GALNT13: variants seen among roughly 807,000 people sequenced by gnomAD.
GALNT13 encodes the protein UDP-GalNAc:polypeptide N-acetylgalactosaminyltransferase 13.
GALNT13 carries 28 observed loss-of-function variants against 64.2 expected under a neutral mutation model. The ratio of observed to expected loss-of-function variants is 0.44; its 90% CI spans 0.32 to 0.60. The LOEUF (loss-of-function observed/expected upper bound fraction) is 0.60. Among genes scored for constraint, GALNT13 ranks in the 20% least tolerant of loss-of-function variants. The probability of loss-of-function intolerance (pLI) is 0.05; values close to 1 mark genes in which losing one functional copy is unlikely to be tolerated. For synonymous variants in GALNT13, 214 were observed against 224.6 expected, an observed-to-expected ratio of 0.95 and a Z score of 0.42; for missense variants, 577 against 669.8, an observed-to-expected ratio of 0.86 and a Z score of 1.53.
At chr2:154,280,085 C>T (rs1011441903) in intron 8 of GALNT13, among the ~76,000 whole-genome samples, 1 of 152,120 alleles carries the variant, frequency 6.6e-6, no homozygotes, top group African/African-American at 2.4e-5. Flanking sequence ...AGGTTCTTGA[C>T]TAGAAACAAA....
the GALNT13 span, among the ~76,000 whole-genome samples, chr2:153,244,032 C>T: frequency 1.4e-5 from 2 of 143,220 alleles, no homozygotes; most frequent in African/African-American, 6.0e-5. Context: ...TTTGGTTTTC[C>T]CTCTTGAAAA....
chr2:154,282,296 CATA>C (rs1181024889), intron 8 of GALNT13, among the ~76,000 whole-genome samples: 6 of 152,142 alleles, frequency 3.9e-5, no homozygotes, highest in African/African-American at 1.4e-4. Context: ...TTTATTGCCT[CATA>C]ATAAGTTTTA....
At chr2:154,098,941 G>A (rs1376983362) in intron 3 of GALNT13, among the ~76,000 whole-genome samples, 2 of 151,944 alleles carry the variant, frequency 1.3e-5, no homozygotes, top group East Asian at 3.9e-4. Flanking sequence ...ATACACAGTA[G>A]TGGAGTTGCT....
intron 4 of GALNT13, among the ~76,000 whole-genome samples, chr2:154,217,562 G>A (rs1344344545): frequency 6.6e-6 from 1 of 152,072 alleles, no homozygotes; most frequent in Non-Finnish European, 1.5e-5. Flanking sequence ...TTAGCCTCAT[G>A]AGTTTTATAG....
At position 153,944,486 on chromosome 2, in the gene GALNT13, T is replaced by C. The variant is rs1401518; in HGVS notation, c.-12T>C. On this transcript the variant is annotated 5_prime_UTR_variant, in exon 3 of 13. Transcript: ENST00000392825. ...CTTCAATCTGTGTGTTAACTAGAAATCAAGGAAAGACATGAGGAGATTTGT... is the reference window on the plus strand; with the variant it reads ...CTTCAATCTGTGTGTTAACTAGAAACCAAGGAAAGACATGAGGAGATTTGT... The C allele has an allele frequency of 0.12, 188,661 of 1,609,304 alleles. 26,875 individuals carry two copies. Among genetic ancestry groups the C allele is most frequent in the East Asian group, 0.78 (34,844 of 44,734 alleles).
At chr2:153,281,926 C>A in the GALNT13 span, among the ~76,000 whole-genome samples, 173 of 149,714 alleles carry the variant, frequency 1.2e-3, no homozygotes, top group African/African-American at 4.1e-3. Context: ...ATCTGGATAT[C>A]TTATATTTGG....
At position 154,453,877 on chromosome 2, in the gene GALNT13, C is replaced by T. The variant is rs887455652; in HGVS notation, c.*3326C>T. 1 of 152,000 alleles carries T rather than the reference C, an allele frequency of 6.6e-6. No homozygotes were observed. The highest frequency in any genetic ancestry group is 2.4e-5 in the African/African-American group (1 of 41,400). 9.4% of individuals were successfully genotyped at this position (152,000 alleles called of 1,614,324 possible). ...TTGTCTTCAAATTTTAATTTTCTTCCTAATATTCTTCACATTAAACTATGG... is the reference window on the plus strand; with the variant it reads ...TTGTCTTCAAATTTTAATTTTCTTCTTAATATTCTTCACATTAAACTATGG... On this transcript the variant is annotated 3_prime_UTR_variant, in exon 13 of 13. Coordinates refer to ENST00000392825, the MANE Select transcript of GALNT13 (RefSeq NM_052917.4).
At chr2:153,803,924 C>T in the GALNT13 span, among the ~76,000 whole-genome samples, 1 of 152,004 alleles carries the variant, frequency 6.6e-6, no homozygotes, top group Non-Finnish European at 1.5e-5. Context: ...ATCCAGTCTG[C>T]GGTATTCATT....
intron 3 of GALNT13, among the ~76,000 whole-genome samples, chr2:154,061,960 A>G (rs965057415): frequency 1.3e-5 from 2 of 152,204 alleles, no homozygotes; most frequent in Non-Finnish European, 2.9e-5. Context: ...TAGACTTGAT[A>G]TATGAAACAC....
intron 3 of GALNT13, among the ~76,000 whole-genome samples, chr2:154,037,389 C>A (rs1240942491): frequency 1.3e-5 from 2 of 152,114 alleles, no homozygotes; most frequent in Non-Finnish European, 2.9e-5. Flanking sequence ...CCAAAGCTAA[C>A]ATGGGTTTCC....
intron 4 of GALNT13, among the ~76,000 whole-genome samples, chr2:154,180,610 A>G (rs895133402): frequency 1.3e-5 from 2 of 152,168 alleles, no homozygotes; most frequent in Non-Finnish European, 1.5e-5. Flanking sequence ...GAATTCTAAA[A>G]ATCACCATGC....
the GALNT13 span, among the ~76,000 whole-genome samples, chr2:153,711,583 C>T: frequency 6.6e-6 from 1 of 152,252 alleles, no homozygotes; most frequent in Admixed American, 6.5e-5. Flanking sequence ...GACATGAAAG[C>T]TGTGTATTCT....
the GALNT13 span, among the ~76,000 whole-genome samples, chr2:153,341,069 A>T: frequency 6.6e-6 from 1 of 152,234 alleles, no homozygotes; most frequent in African/African-American, 2.4e-5. Flanking sequence ...AAGAACCACC[A>T]GTTTAGTAAA....
the GALNT13 span, among the ~76,000 whole-genome samples, chr2:153,747,275 T>A: frequency 6.6e-6 from 1 of 152,006 alleles, no homozygotes; most frequent in South Asian, 2.1e-4. Flanking sequence ...AGTCACCCTG[T>A]TTTACTATCA....
chr2:153,472,611 G>A, the GALNT13 span, among the ~76,000 whole-genome samples: 1 of 152,082 alleles, frequency 6.6e-6, no homozygotes, highest in African/African-American at 2.4e-5. Flanking sequence ...GGATTAGGCA[G>A]GGCAGGATTT....
At chr2:153,568,056 T>G in the GALNT13 span, among the ~76,000 whole-genome samples, 1 of 152,244 alleles carries the variant, frequency 6.6e-6, no homozygotes, top group Admixed American at 6.5e-5. Context: ...TTCTGCCATT[T>G]CCATTTCTAA....
chr2:153,464,904 A>T, the GALNT13 span, among the ~76,000 whole-genome samples: 1 of 152,162 alleles, frequency 6.6e-6, no homozygotes, highest in South Asian at 2.1e-4. Flanking sequence ...AATATAAACT[A>T]TACAAGAAGT....
intron 2 of GALNT13, among the ~76,000 whole-genome samples, chr2:153,939,774 C>A (rs1014408880): frequency 6.6e-6 from 1 of 152,106 alleles, no homozygotes; most frequent in East Asian, 1.9e-4. Flanking sequence ...ATATTGAGTT[C>A]TTATGTGCCA....
intron 8 of GALNT13, among the ~76,000 whole-genome samples, chr2:154,300,292 G>A (rs776936683): frequency 9.9e-5 from 15 of 151,598 alleles, no homozygotes; most frequent in East Asian, 2.0e-4. Flanking sequence ...TAGTAGAGAC[G>A]GGTTTTTGCC....
Sources: gnomAD v4.1 joint callset for allele counts (sites outside exome capture counted in the v4.1 genomes callset) on GRCh38, gnomAD v4.1.1 for gene constraint, MANE v1.5 for transcripts, NCBI Gene and HGNC (gene_info 2026-07-23, HGNC 2026-07-21) for gene names.